LRP1B: variants seen among roughly 807,000 people sequenced by gnomAD.
LRP1B encodes the protein LDL receptor related protein 1B, also known as low-density lipoprotein receptor-related protein 1B.
Under a neutral mutation model 556.6 loss-of-function variants are expected in LRP1B, and 217 were observed. The observed-to-expected ratio is 0.39, with a 90% CI of 0.35 to 0.44. The LOEUF (loss-of-function observed/expected upper bound fraction) is 0.44. LRP1B is among the 20% of genes least tolerant of loss of function. LRP1B has a pLI of 1.00. For missense variants in LRP1B, 5,053 were observed against 5,620.8 expected (o/e 0.90, Z 3.23); for synonymous variants, 2,047 against 1,865.8 (o/e 1.10, Z -2.50).
At chr2:140,353,899 G>T (rs924888703) in intron 75 of LRP1B, among the ~76,000 whole-genome samples, 1 of 151,998 alleles carries the variant, frequency 6.6e-6, no homozygotes, top group African/African-American at 2.4e-5. Flanking sequence ...CTGTATTGAG[G>T]TTATGTGATG....
chr2:140,314,876 G>T (rs967346158), intron 83 of LRP1B, 59 bp downstream of exon 83: 3 of 1,276,704 alleles, frequency 2.3e-6, no homozygotes, highest in African/African-American at 3.0e-5. Flanking sequence ...AAGCATTTTC[G>T]ATTCATATAT....
chr2:140,572,832 T>TAAAATAAAATA (rs1159544607), intron 43 of LRP1B, among the ~76,000 whole-genome samples: 2 of 151,300 alleles, frequency 1.3e-5, no homozygotes, highest in African/African-American at 2.4e-5. Context: ...TAAAATAAAA[T>TAAAATAAAATA]AAAATAAAAC....
intron 20 of LRP1B, among the ~76,000 whole-genome samples, chr2:140,932,916 C>CACACACACACAT (rs766679275): frequency 1.4e-5 from 2 of 147,518 alleles, no homozygotes; most frequent in African/African-American, 5.1e-5. Flanking sequence ...CACACACACA[C>CACACACACACAT]ATATATATGT....
intron 35 of LRP1B, among the ~76,000 whole-genome samples, chr2:140,723,012 C>T (rs1687470053): frequency 2.0e-5 from 3 of 152,128 alleles, no homozygotes; most frequent in Admixed American, 2.0e-4. Flanking sequence ...CACTGCACTC[C>T]AGCCTGGGTG....
intron 6 of LRP1B, among the ~76,000 whole-genome samples, chr2:141,189,251 G>A (rs1284553100): frequency 1.3e-5 from 2 of 151,942 alleles, no homozygotes; most frequent in African/African-American, 4.8e-5. Context: ...AGAGCAGTCT[G>A]AGCTATGTGA....
chr2:141,361,936 T>G (rs961621856), intron 3 of LRP1B, among the ~76,000 whole-genome samples: 1 of 152,206 alleles, frequency 6.6e-6, no homozygotes, highest in Non-Finnish European at 1.5e-5. Context: ...TTCTTCCATC[T>G]CAACGCCCCC....
chr2:141,063,998 A>C (rs191027993), intron 7 of LRP1B, among the ~76,000 whole-genome samples: 212 of 151,974 alleles, frequency 1.4e-3, no homozygotes, highest in African/African-American at 4.4e-3. Flanking sequence ...GTGAGTCTGA[A>C]GATGAAGCCT....
chr2:140,529,239 C>A (rs903293312), intron 47 of LRP1B, among the ~76,000 whole-genome samples: 21 of 151,964 alleles, frequency 1.4e-4, no homozygotes, highest in African/African-American at 5.1e-4. Flanking sequence ...TAAAACCACT[C>A]TCTCTAATAT....
chr2:141,222,887 C>T (rs1444320196), intron 6 of LRP1B, among the ~76,000 whole-genome samples: 1 of 152,006 alleles, frequency 6.6e-6, no homozygotes, highest in Non-Finnish European at 1.5e-5. Context: ...AGGAACATAC[C>T]TCAAAATAAT....
intron 3 of LRP1B, among the ~76,000 whole-genome samples, chr2:141,296,005 A>G (rs558379683): frequency 6.6e-6 from 1 of 152,326 alleles, no homozygotes; most frequent in East Asian, 1.9e-4. Context: ...CTGGCTAAGG[A>G]ATAACTTTCA....
At chr2:140,797,423 G>A (rs1690354908) in intron 32 of LRP1B, among the ~76,000 whole-genome samples, 1 of 151,898 alleles carries the variant, frequency 6.6e-6, no homozygotes, top group African/African-American at 2.4e-5. Flanking sequence ...TTATTTATAT[G>A]ACTAGTTTAT....
chr2:140,463,790 T>G (rs527756228), intron 60 of LRP1B, among the ~76,000 whole-genome samples: 1 of 152,316 alleles, frequency 6.6e-6, no homozygotes, highest in South Asian at 2.1e-4. Context: ...ATATGCTAAC[T>G]TTTGAAGAGT....
At chr2:140,856,589 G>A (rs924648609) in intron 27 of LRP1B, among the ~76,000 whole-genome samples, 6 of 152,070 alleles carry the variant, frequency 3.9e-5, no homozygotes, top group Non-Finnish European at 1.5e-5. Context: ...TAACACAAAA[G>A]CAGCCACAAA....
intron 3 of LRP1B, among the ~76,000 whole-genome samples, chr2:141,350,926 T>C (rs1214742532): frequency 3.3e-5 from 5 of 152,070 alleles, no homozygotes; most frequent in African/African-American, 9.7e-5. Flanking sequence ...TATAGATTGA[T>C]TCATTGTGCA....
chr2:141,866,974 G>A (rs1211866514), intron 1 of LRP1B, among the ~76,000 whole-genome samples: 2 of 152,120 alleles, frequency 1.3e-5, no homozygotes, highest in Non-Finnish European at 2.9e-5. Flanking sequence ...TCTGTGGAGT[G>A]GATGACGTAT....
intron 60 of LRP1B, among the ~76,000 whole-genome samples, chr2:140,461,005 G>C (rs941807827): frequency 6.6e-6 from 1 of 150,810 alleles, no homozygotes; most frequent in Non-Finnish European, 1.5e-5. Flanking sequence ...GGAGGTTGCA[G>C]TGAGCCAAGA....
At chr2:142,124,945 G>C (rs975831010) in intron 1 of LRP1B, among the ~76,000 whole-genome samples, 2 of 150,820 alleles carry the variant, frequency 1.3e-5, no homozygotes, top group South Asian at 2.1e-4. Context: ...TTTCCATTTA[G>C]TTACTAGTCA....
At chr2:141,241,181 T>C (rs535569659) in intron 5 of LRP1B, among the ~76,000 whole-genome samples, 156 of 152,204 alleles carry the variant, frequency 1.0e-3, no homozygotes, top group African/African-American at 3.7e-3. Context: ...TGTCCTGCCA[T>C]GAAATGTGAT....
At chr2:141,848,554 A>G (rs566399822) in intron 1 of LRP1B, among the ~76,000 whole-genome samples, 1 of 151,606 alleles carries the variant, frequency 6.6e-6, no homozygotes. Context: ...AGCCAAAACT[A>G]TACATCTTAA....
Sources: gnomAD v4.1 joint callset for allele counts (sites outside exome capture counted in the v4.1 genomes callset) on GRCh38, gnomAD v4.1.1 for gene constraint, MANE v1.5 for transcripts, NCBI Gene and HGNC (gene_info 2026-07-23, HGNC 2026-07-21) for gene names.